The following FAT3 variants were observed in gnomAD, a reference collection of about 807,000 sequenced individuals.
The protein encoded by FAT3 is FAT atypical cadherin 3, also known as protocadherin Fat 3.
Under a neutral mutation model 310.2 loss-of-function variants are expected in FAT3, and 95 were observed. That is an observed-to-expected ratio of 0.31 (90% CI 0.26 to 0.36). FAT3 has a LOEUF of 0.36. Ranked by LOEUF, FAT3 falls within the 10% of genes least tolerant of loss-of-function variation. The pLI, the probability that FAT3 is intolerant of heterozygous loss-of-function variation, is 1.00. For missense variants in FAT3, 5,408 were observed against 5,715.6 expected (o/e 0.95, Z 1.74); for synonymous variants, 2,314 against 2,192.9 (o/e 1.06, Z -1.54).
In FAT3 at chr11:92,800,091, T is replaced by A. The variant is rs368809653; in HGVS notation, c.7078T>A (p.Cys2360Ser). ...RMLDHELVQH[C>S]TLKVRSIDSG... ...GCTGGACCATGAGTTAGTACAACAC[T>A]GCACTTTGAAAGTCAGATCAATAGA... Residue 2360 changes from cysteine to serine, a missense_variant, in exon 10 of 28, where the codon TGC becomes AGC. Physicochemically the swap from Cys to Ser is moderately radical, Grantham distance 112. Coordinates refer to ENST00000525166, the MANE Select transcript of FAT3 (RefSeq NM_001367949.2). 3.8e-4 allele frequency: 615 copies of A among 1,613,880 alleles called. 1 individual carries two copies. Among genetic ancestry groups the A allele is most frequent in the Non-Finnish European group, 5.1e-4 (601 of 1,179,888 alleles).
At chr11:92,714,553 A>T (rs765685635) in intron 4 of FAT3, among the ~76,000 whole-genome samples, 1 of 152,226 alleles carries the variant, frequency 6.6e-6, no homozygotes, top group East Asian at 1.9e-4. Flanking sequence ...AGTTCTGACC[A>T]ACCTCAATCA....
At chr11:92,641,067 G>C (rs1413852300) in intron 3 of FAT3, among the ~76,000 whole-genome samples, 3 of 152,054 alleles carry the variant, frequency 2.0e-5, no homozygotes, top group Non-Finnish European at 4.4e-5. Flanking sequence ...ATGATAGCAT[G>C]CACCTGTAGT....
In FAT3 at chr11:92,797,825, C is replaced by G; in HGVS notation, c.4823-11C>G. 1 of 1,599,138 alleles carries G rather than the reference C, an allele frequency of 6.3e-7. No individual in the cohort carries two copies. Among genetic ancestry groups the G allele is most frequent in the Non-Finnish European group, 8.5e-7 (1 of 1,169,910 alleles). ...ATGTAACTCATTTCACCATTGATTTCTGTATTTTAGGGAACACTGGGAACA... is the reference window on the plus strand; with the variant it reads ...ATGTAACTCATTTCACCATTGATTTGTGTATTTTAGGGAACACTGGGAACA... On this transcript the variant is annotated splice_polypyrimidine_tract_variant and intron_variant, in intron 9 of 27. Transcript: ENST00000525166.
At chr11:92,685,863 G>A (rs1444785297) in intron 3 of FAT3, among the ~76,000 whole-genome samples, 4 of 152,178 alleles carry the variant, frequency 2.6e-5, no homozygotes, top group African/African-American at 9.6e-5. Flanking sequence ...AAAGAGCAGA[G>A]GGAAAATACA....
chr11:92,736,324 C>T (rs1327465138), intron 4 of FAT3, among the ~76,000 whole-genome samples: 1 of 152,094 alleles, frequency 6.6e-6, no homozygotes, highest in Non-Finnish European at 1.5e-5. Context: ...CCCCAGCCTT[C>T]CAAGATGCTC....
chr11:92,693,723 A>G (rs1943859437), intron 3 of FAT3, among the ~76,000 whole-genome samples: 1 of 152,170 alleles, frequency 6.6e-6, no homozygotes, highest in Admixed American at 6.5e-5. Context: ...TTAGTGGTTT[A>G]GCTGACCCTG....
intron 2 of FAT3, among the ~76,000 whole-genome samples, chr11:92,399,652 C>CCAG (rs1431619143): frequency 3.3e-5 from 5 of 152,098 alleles, no homozygotes; most frequent in Admixed American, 6.6e-5. Flanking sequence ...TTTCCATGAC[C>CCAG]CTTTATTCCA....
chr11:92,337,270 G>A (rs1565236125), intron 1 of FAT3, among the ~76,000 whole-genome samples: 5 of 152,142 alleles, frequency 3.3e-5, no homozygotes, highest in South Asian at 4.1e-4. Context: ...GTTGATGCCC[G>A]AATTTCTGGT....
At chr11:92,356,838 C>T (rs1404592503) in intron 2 of FAT3, among the ~76,000 whole-genome samples, 3 of 152,042 alleles carry the variant, frequency 2.0e-5, no homozygotes, top group East Asian at 1.9e-4. Flanking sequence ...TGTATATCCA[C>T]AATACCAGAA....
intron 13 of FAT3, among the ~76,000 whole-genome samples, chr11:92,819,360 C>T (rs922030490): frequency 2.6e-5 from 4 of 152,248 alleles, no homozygotes; most frequent in South Asian, 2.1e-4. Context: ...AGAGCCACCT[C>T]GAGGGTGTAT....
chr11:92,383,079 A>G (rs973298974), intron 2 of FAT3, among the ~76,000 whole-genome samples: 1 of 152,198 alleles, frequency 6.6e-6, no homozygotes, highest in African/African-American at 2.4e-5. Flanking sequence ...ATAAGTGAGA[A>G]TATGCAGTGT....
At chr11:92,420,049 AG>A (rs1387389236) in intron 2 of FAT3, among the ~76,000 whole-genome samples, 11 of 152,210 alleles carry the variant, frequency 7.2e-5, no homozygotes, top group Non-Finnish European at 1.6e-4. Context: ...TATCAGAGCA[AG>A]GGTCAACAAA....
chr11:92,866,635 C>A, intron 21 of FAT3, 106 bp from the exon 22 acceptor site: 1 of 978,904 alleles, frequency 1.0e-6, no homozygotes, highest in Non-Finnish European at 1.5e-6. Context: ...GTCATGTCCA[C>A]ATTCCAGCTT....
At chr11:92,712,556 T>C (rs1432623086) in intron 4 of FAT3, among the ~76,000 whole-genome samples, 1 of 151,678 alleles carries the variant, frequency 6.6e-6, no homozygotes, top group African/African-American at 2.4e-5. Context: ...GACTTTGTAC[T>C]TATTAGACTC....
chr11:92,854,065 C>T (rs1052105124), intron 19 of FAT3, among the ~76,000 whole-genome samples: 2 of 152,156 alleles, frequency 1.3e-5, no homozygotes, highest in Admixed American at 6.5e-5. Flanking sequence ...TGTGCTGAGC[C>T]ACCCTCAGCA....
intron 4 of FAT3, among the ~76,000 whole-genome samples, chr11:92,700,679 A>G (rs966643999): frequency 2.6e-5 from 4 of 152,056 alleles, no homozygotes; most frequent in South Asian, 2.1e-4. Flanking sequence ...CCCTCCAGCA[A>G]CCTCGTTGCC....
intron 2 of FAT3, 83 bp downstream of exon 2, chr11:92,355,487 A>G (rs1948707226): frequency 1.5e-6 from 2 of 1,334,620 alleles, no homozygotes; most frequent in South Asian, 1.5e-5. Context: ...ATGTTAGGAC[A>G]CTAAAATAGA....
intron 3 of FAT3, among the ~76,000 whole-genome samples, chr11:92,679,255 A>G (rs765167776): frequency 6.6e-6 from 1 of 152,122 alleles, no homozygotes; most frequent in Non-Finnish European, 1.5e-5. Context: ...CAATAAACAT[A>G]TGAGTACAAG....
At chr11:92,881,162 A>G (rs1949662897) in intron 23 of FAT3, among the ~76,000 whole-genome samples, 1 of 152,218 alleles carries the variant, frequency 6.6e-6, no homozygotes, top group Non-Finnish European at 1.5e-5. Context: ...TAGGGAGAAA[A>G]GAAAGTCATC....
Sources: gnomAD v4.1 joint callset for allele counts (sites outside exome capture counted in the v4.1 genomes callset) on GRCh38, gnomAD v4.1.1 for gene constraint, MANE v1.5 for transcripts, NCBI Gene and HGNC (gene_info 2026-07-23, HGNC 2026-07-21) for gene names.